CLTRN: variants seen among roughly 807,000 people sequenced by gnomAD.
CLTRN encodes the protein collectrin, amino acid transport regulator.
In CLTRN, 12 loss-of-function variants were observed where a neutral mutation model predicts 14.5. The observed-to-expected ratio is 0.83, with a 90% CI of 0.53 to 1.34. CLTRN has a LOEUF of 1.34. Among genes scored for constraint, CLTRN ranks in the 40% most tolerant of loss-of-function variants. The probability of loss-of-function intolerance (pLI) is 0.00; values close to 1 mark genes in which losing one functional copy is unlikely to be tolerated. For missense variants in CLTRN, 154 were observed against 165.1 expected, an observed-to-expected ratio of 0.93 and a Z score of 0.37; for synonymous variants, 58 against 56.5, an observed-to-expected ratio of 1.03 and a Z score of -0.12.
chrX:15,665,595 T>C (rs1470364438), upstream of CLTRN, among the ~76,000 whole-genome samples: 1 of 112,283 alleles, frequency 8.9e-6, no homozygotes, highest in Non-Finnish European at 1.9e-5. Context: ...TCTGTGTCTG[T>C]ACTATCCAAT....
chrX:15,673,876 G>C (rs185447585), intron 1 of CLTRN, among the ~76,000 whole-genome samples: 179 of 112,371 alleles, frequency 1.6e-3, no homozygotes, highest in African/African-American at 4.9e-3. Context: ...TTATTGTGAA[G>C]GGAGCTGTAC....
intron 3 of CLTRN, among the ~76,000 whole-genome samples, chrX:15,651,227 C>T (rs947950431): frequency 1.8e-5 from 2 of 111,734 alleles, no homozygotes; most frequent in Non-Finnish European, 3.8e-5. Flanking sequence ...CAACTATTTA[C>T]TAAGAGCTAA....
intron 3 of CLTRN, 96 bp downstream of exon 3, chrX:15,658,920 G>T: frequency 5.0e-6 from 2 of 403,978 alleles, no homozygotes; most frequent in Non-Finnish European, 8.3e-6. Flanking sequence ...TGAAAAATTA[G>T]CTTAATAAAT....
intron 3 of CLTRN, among the ~76,000 whole-genome samples, chrX:15,656,636 C>A (rs978717136): frequency 9.0e-6 from 1 of 111,055 alleles, no homozygotes; most frequent in Non-Finnish European, 1.9e-5. Context: ...TGGAGAGAAG[C>A]AGCCTCTCCG....
intron 1 of CLTRN, among the ~76,000 whole-genome samples, chrX:15,673,221 G>A (rs1601743171): frequency 8.9e-6 from 1 of 112,595 alleles, no homozygotes; most frequent in African/African-American, 3.2e-5. Context: ...TATGAACACC[G>A]TAAAACTTTA....
intron 2 of CLTRN, among the ~76,000 whole-genome samples, chrX:15,663,219 T>G (rs1185983310): frequency 9.0e-6 from 1 of 111,686 alleles, no homozygotes; most frequent in African/African-American, 3.3e-5. Context: ...TACTATAAGC[T>G]CCACAAGGGT....
At chrX:15,657,926 C>G (rs1171434985) in intron 3 of CLTRN, among the ~76,000 whole-genome samples, 1 of 111,911 alleles carries the variant, frequency 8.9e-6, no homozygotes, top group Non-Finnish European at 1.9e-5. Context: ...AAATTCCACT[C>G]TTCTGTTTCA....
At chrX:15,672,487 T>C (rs747716456) in intron 1 of CLTRN, among the ~76,000 whole-genome samples, 93 of 105,644 alleles carry the variant, frequency 8.8e-4, no homozygotes, top group Non-Finnish European at 1.5e-3. Flanking sequence ...CAACAGGTAC[T>C]TCTTTTGCCA....
At chrX:15,628,232 T>C (rs1368685575) in intron 5 of CLTRN, 105 bp from the exon 6 acceptor site, 1 of 524,061 alleles carries the variant, frequency 1.9e-6, no homozygotes, top group Admixed American at 5.1e-5. Context: ...AATAGGAACC[T>C]TAGAACAATG....
At chrX:15,640,182 C>T (rs1367683153) in intron 4 of CLTRN, among the ~76,000 whole-genome samples, 2 of 112,155 alleles carry the variant, frequency 1.8e-5, no homozygotes, top group East Asian at 5.6e-4. Flanking sequence ...CACCAGTGTG[C>T]CATGTCAGTT....
chrX:15,645,172 C>A, intron 3 of CLTRN, 143 bp from the exon 4 acceptor site: 1 of 359,442 alleles, frequency 2.8e-6, no homozygotes, highest in Non-Finnish European at 4.9e-6. Context: ...AGAATGAGCT[C>A]AGTAAGAAGA....
chrX:15,649,509 C>G lies in CLTRN; in HGVS notation c.204-4480G>C, dbSNP rs1236217850. On this transcript the variant is annotated intron_variant, in intron 3 of 5. Transcript: ENST00000380342. ...AAAGTTTTTATTTTGAAATTTACTA[C>G]CTGCCAAATGGTGGTCTTGAGACAA... 5.4e-5 allele frequency among the ~76,000 whole-genome samples: 6 copies of G among 111,887 alleles called. No individual in the cohort carries two copies. In the East Asian group the frequency reaches 1.7e-3, roughly 31 times the overall value.
At chrX:15,628,861 T>C (rs1928625480) in intron 5 of CLTRN, among the ~76,000 whole-genome samples, 1 of 112,244 alleles carries the variant, frequency 8.9e-6, no homozygotes, top group Admixed American at 9.5e-5. Flanking sequence ...AGTTTCACCC[T>C]TTGTAGACCT....
intron 4 of CLTRN, among the ~76,000 whole-genome samples, chrX:15,643,387 C>T (rs912325463): frequency 1.8e-5 from 2 of 111,585 alleles, no homozygotes; most frequent in Non-Finnish European, 3.8e-5. Context: ...TGGCTATCCC[C>T]ACTTCCTAAA....
In CLTRN at chrX:15,633,403, A is replaced by G. The variant is rs781142385; in HGVS notation, c.513-5276T>C. 7.1e-3 allele frequency among the ~76,000 whole-genome samples: 794 copies of G among 112,481 alleles called. 4 individuals carry two copies. The highest frequency in any genetic ancestry group is 0.014 in the Middle Eastern group (3 of 217). Reference sequence around the variant, plus strand: ...TGAAGGAATTGACACTCAAATACGTAGAGTAACTTGTCTTTCAGAATGAAA... The same window carrying G: ...TGAAGGAATTGACACTCAAATACGTGGAGTAACTTGTCTTTCAGAATGAAA... On this transcript the variant is annotated intron_variant, in intron 5 of 5. Coordinates refer to ENST00000380342, the MANE Select transcript of CLTRN (RefSeq NM_020665.6).
chrX:15,668,654 C>A (rs1929665383), upstream of CLTRN, among the ~76,000 whole-genome samples: 1 of 111,205 alleles, frequency 9.0e-6, no homozygotes, highest in Non-Finnish European at 1.9e-5. Flanking sequence ...TTTTTCCTAG[C>A]CTTTACCATC....
chrX:15,669,529 G>A (rs942124002), upstream of CLTRN, among the ~76,000 whole-genome samples: 3 of 112,142 alleles, frequency 2.7e-5, no homozygotes, highest in Admixed American at 9.5e-5. Flanking sequence ...TGATTTCTCC[G>A]TGTTTTTTAT....
chrX:15,632,639 C>A (rs772738707), intron 5 of CLTRN, among the ~76,000 whole-genome samples: 74 of 109,861 alleles, frequency 6.7e-4, no homozygotes, highest in Middle Eastern at 9.3e-3. Flanking sequence ...CGCCTGTAAT[C>A]CCAGCACTTT....
At position 15,637,145 on chromosome X, in the gene CLTRN, C is replaced by T. The variant is rs1279251694; in HGVS notation, c.512+2417G>A. On this transcript the variant is annotated intron_variant, in intron 5 of 5. Coordinates refer to ENST00000380342, the MANE Select transcript of CLTRN (RefSeq NM_020665.6). ...TGGTGACTTAGATAATCCCATGGTC[C>T]CTCCAGGTCTTCTAAGTTTAAGATT... Among the ~76,000 whole-genome samples, 8 of 110,968 alleles carry T rather than the reference C, an allele frequency of 7.2e-5. No individual in the cohort carries two copies. The Admixed American group carries it at 7.7e-4, about 11-fold the overall frequency.
Sources: allele counts gnomAD v4.1 joint callset (sites outside exome capture counted in the v4.1 genomes callset), GRCh38; gene constraint gnomAD v4.1.1; transcripts MANE v1.5; gene names NCBI Gene and HGNC (gene_info 2026-07-23, HGNC 2026-07-21).